The following ZFHX3 variants were observed in gnomAD, a reference collection of about 807,000 sequenced individuals.
The protein encoded by ZFHX3 is zinc finger homeobox 3, also known as zinc finger homeobox protein 3.
In ZFHX3, 42 loss-of-function variants were observed where a neutral mutation model predicts 279.1. The observed-to-expected ratio is 0.15, with a 90% CI of 0.12 to 0.19. ZFHX3 has a LOEUF of 0.19. Among genes scored for constraint, ZFHX3 ranks in the 10% least tolerant of loss-of-function variants. The pLI, the probability that ZFHX3 is intolerant of heterozygous loss-of-function variation, is 1.00. For missense variants in ZFHX3, 4,981 were observed against 4,754.0 expected (o/e 1.05, Z -1.40); for synonymous variants, 2,293 against 1,957.8 (o/e 1.17, Z -4.52).
intron 3 of ZFHX3, among the ~76,000 whole-genome samples, chr16:72,946,891 G>A (rs1426743040): frequency 2.0e-5 from 3 of 152,198 alleles, no homozygotes; most frequent in Non-Finnish European, 2.9e-5. Flanking sequence ...TAAGGACCCC[G>A]GAGCTCAGTC....
intron 3 of ZFHX3, among the ~76,000 whole-genome samples, chr16:72,942,421 T>G (rs920629538): frequency 2.0e-5 from 3 of 152,040 alleles, no homozygotes; most frequent in African/African-American, 7.2e-5. Context: ...TCTGGATGGG[T>G]GGGGGGTAGG....
At chr16:73,695,120 C>T (rs575221895) in intron 1 of ZFHX3, among the ~76,000 whole-genome samples, 29 of 152,218 alleles carry the variant, frequency 1.9e-4, no homozygotes, top group Non-Finnish European at 4.1e-4. Flanking sequence ...CCTCCTATAC[C>T]CCGATGGGGT....
chr16:72,977,105 T>C (rs964879881), intron 1 of ZFHX3, among the ~76,000 whole-genome samples: 5 of 152,154 alleles, frequency 3.3e-5, no homozygotes, highest in African/African-American at 1.2e-4. Flanking sequence ...TGATGTCGAG[T>C]TGACAAGAAA....
intron 5 of ZFHX3, among the ~76,000 whole-genome samples, chr16:73,222,816 A>G (rs2012465605): frequency 6.6e-6 from 1 of 152,194 alleles, no homozygotes; most frequent in African/African-American, 2.4e-5. Context: ...CAACGTCAAG[A>G]CTTACCTTAA....
chr16:73,548,851 G>A (rs1353975236), intron 2 of ZFHX3, among the ~76,000 whole-genome samples: 1 of 152,108 alleles, frequency 6.6e-6, no homozygotes, highest in Admixed American at 6.6e-5. Flanking sequence ...AGTAAATTAC[G>A]ATTCTCTATA....
intron 2 of ZFHX3, among the ~76,000 whole-genome samples, chr16:73,462,624 A>G (rs2018492452): frequency 6.6e-6 from 1 of 152,164 alleles, no homozygotes; most frequent in African/African-American, 2.4e-5. Context: ...ATGAATAGGT[A>G]TTCAATTTTG....
chr16:73,010,218 CT>C (rs1963866960), intron 1 of ZFHX3, among the ~76,000 whole-genome samples: 1 of 152,098 alleles, frequency 6.6e-6, no homozygotes, highest in African/African-American at 2.4e-5. Flanking sequence ...AGCAGCCACC[CT>C]AGGAGCCTGG....
intron 1 of ZFHX3, among the ~76,000 whole-genome samples, chr16:73,845,319 G>A (rs564875310): frequency 2.0e-5 from 3 of 152,196 alleles, no homozygotes; most frequent in South Asian, 4.1e-4. Context: ...AAAAACACAG[G>A]TTCTACAAAC....
intron 4 of ZFHX3, among the ~76,000 whole-genome samples, chr16:72,846,896 G>A (rs898958833): frequency 1.3e-5 from 2 of 152,152 alleles, no homozygotes; most frequent in Non-Finnish European, 2.9e-5. Context: ...TGCCATGGGC[G>A]GTGCTGCAGC....
At chr16:73,660,873 C>A (rs2052775437) in intron 2 of ZFHX3, among the ~76,000 whole-genome samples, 1 of 152,186 alleles carries the variant, frequency 6.6e-6, no homozygotes, top group Non-Finnish European at 1.5e-5. Flanking sequence ...AACCTTCCCA[C>A]TTGCATAGAA....
At chr16:73,424,880 C>T (rs904574284) in intron 3 of ZFHX3, among the ~76,000 whole-genome samples, 2 of 151,688 alleles carry the variant, frequency 1.3e-5, no homozygotes, top group Admixed American at 6.6e-5. Flanking sequence ...CAAAAGAGTT[C>T]GTTATTCTAT....
At chr16:72,943,065 G>A (rs539553120) in intron 3 of ZFHX3, among the ~76,000 whole-genome samples, 2 of 152,310 alleles carry the variant, frequency 1.3e-5, no homozygotes, top group South Asian at 4.1e-4. Flanking sequence ...TCATTCACAA[G>A]AGGTTCTGCA....
chr16:73,366,746 T>C (rs2016538314), intron 3 of ZFHX3, among the ~76,000 whole-genome samples: 1 of 152,170 alleles, frequency 6.6e-6, no homozygotes, highest in Non-Finnish European at 1.5e-5. Flanking sequence ...GCACACTCAC[T>C]GTATGAGTAA....
At position 72,787,066 on chromosome 16, in the gene ZFHX3, T is replaced by C; in HGVS notation, c.*98A>G. 2 of 1,175,062 alleles carry C rather than the reference T, an allele frequency of 1.7e-6. No homozygotes were observed. The allele number at this position is 1,175,062 out of a possible 1,614,324, so 72.8% of individuals were successfully genotyped here. ...TTTTTTTTTTTTTTTTGTTTTTTGG[T>C]TAGAAGCTTTGGAATTGCAGTTAGT... is the stretch of plus-strand genomic sequence containing the variant. On this transcript the variant is annotated 3_prime_UTR_variant, in exon 10 of 10. Transcript: ENST00000268489.
intron 2 of ZFHX3, among the ~76,000 whole-genome samples, chr16:73,496,215 G>T (rs1302411947): frequency 1.3e-5 from 2 of 152,228 alleles, no homozygotes; most frequent in Non-Finnish European, 2.9e-5. Context: ...CGCACCCAAT[G>T]CTTGGCCTTT....
At chr16:73,258,342 T>A (rs77631542) in intron 4 of ZFHX3, among the ~76,000 whole-genome samples, 7 of 81,418 alleles carry the variant, frequency 8.6e-5, no homozygotes, top group South Asian at 6.0e-4. Flanking sequence ...CTATGACATA[T>A]ATATATATAT....
chr16:73,041,887 G>T (rs143613236), intron 1 of ZFHX3, among the ~76,000 whole-genome samples: 7 of 152,178 alleles, frequency 4.6e-5, no homozygotes, highest in African/African-American at 1.4e-4. Flanking sequence ...GGTGGAAGAG[G>T]CTTGCATTGC....
chr16:73,261,517 G>A (rs1376861965), intron 4 of ZFHX3, among the ~76,000 whole-genome samples: 2 of 151,896 alleles, frequency 1.3e-5, no homozygotes, highest in East Asian at 1.9e-4. Context: ...AATAAATATA[G>A]CATTAATAAA....
intron 3 of ZFHX3, among the ~76,000 whole-genome samples, chr16:73,353,863 A>G (rs2016290677): frequency 6.6e-6 from 1 of 152,242 alleles, no homozygotes; most frequent in Non-Finnish European, 1.5e-5. Flanking sequence ...TATCAAATAA[A>G]TAGTGTTCAT....
Sources: allele counts gnomAD v4.1 joint callset (sites outside exome capture counted in the v4.1 genomes callset), GRCh38; gene constraint gnomAD v4.1.1; transcripts MANE v1.5; gene names NCBI Gene and HGNC (gene_info 2026-07-23, HGNC 2026-07-21).